Variants in LSAMP observed in about 807,000 individuals in gnomAD.
LSAMP encodes limbic system associated membrane protein, also known as limbic system-associated membrane protein.
In LSAMP, 7 loss-of-function variants were observed where a neutral mutation model predicts 38.6. The observed-to-expected ratio is 0.18, with a 90% CI of 0.10 to 0.34. LSAMP has a LOEUF of 0.34. Ranked by LOEUF, LSAMP falls within the 10% of genes least tolerant of loss-of-function variation. The probability of loss-of-function intolerance (pLI) is 1.00; values close to 1 mark genes in which losing one functional copy is unlikely to be tolerated. For synonymous variants in LSAMP, 154 were observed against 166.8 expected, an observed-to-expected ratio of 0.92 and a Z score of 0.59; for missense variants, 313 against 420.0, an observed-to-expected ratio of 0.75 and a Z score of 2.23.
At chr3:116,142,394 TCTG>T (rs1709390427) in intron 1 of LSAMP, among the ~76,000 whole-genome samples, 1 of 151,998 alleles carries the variant, frequency 6.6e-6, no homozygotes, top group African/African-American at 2.4e-5. Flanking sequence ...CCACCTGTAA[TCTG>T]CTGTTTTTGT....
chr3:115,996,323 G>A (rs904660166), intron 3 of LSAMP, among the ~76,000 whole-genome samples: 5 of 152,108 alleles, frequency 3.3e-5, no homozygotes, highest in Non-Finnish European at 7.4e-5. Context: ...ATAGCATCCA[G>A]TTAGTGAGTT....
intron 1 of LSAMP, among the ~76,000 whole-genome samples, chr3:116,152,811 T>A (rs1275535088): frequency 6.6e-6 from 1 of 152,018 alleles, no homozygotes. Flanking sequence ...TAGAAATATG[T>A]ACACACACAC....
intron 2 of LSAMP, among the ~76,000 whole-genome samples, chr3:116,052,191 T>C (rs1188747781): frequency 6.6e-6 from 1 of 151,878 alleles, no homozygotes; most frequent in African/African-American, 2.4e-5. Context: ...TAAAATCCTC[T>C]CTGGTTAGTG....
intron 4 of LSAMP, among the ~76,000 whole-genome samples, chr3:115,851,114 C>G (rs1935317115): frequency 6.6e-6 from 1 of 152,114 alleles, no homozygotes; most frequent in Non-Finnish European, 1.5e-5. Flanking sequence ...ACTGGGACTA[C>G]AGGCACCCGC....
intron 3 of LSAMP, among the ~76,000 whole-genome samples, chr3:115,897,177 A>G (rs1208918394): frequency 6.6e-6 from 1 of 151,998 alleles, no homozygotes; most frequent in African/African-American, 2.4e-5. Flanking sequence ...GGGAGGAGGT[A>G]TTGCTTAGAT....
chr3:115,812,222 G>A (rs182153308), intron 6 of LSAMP, among the ~76,000 whole-genome samples: 1 of 152,214 alleles, frequency 6.6e-6, no homozygotes, highest in East Asian at 1.9e-4. Context: ...TATAAAATGA[G>A]CTGTATTATG....
chr3:116,145,337 G>C (rs1052883101), intron 1 of LSAMP, among the ~76,000 whole-genome samples: 2 of 151,900 alleles, frequency 1.3e-5, no homozygotes, highest in Non-Finnish European at 2.9e-5. Flanking sequence ...TATGGAAAGA[G>C]AGAGAGAGAG....
At chr3:116,061,740 G>A (rs956668844) in intron 2 of LSAMP, among the ~76,000 whole-genome samples, 2 of 152,054 alleles carry the variant, frequency 1.3e-5, no homozygotes, top group African/African-American at 4.8e-5. Flanking sequence ...TAAAGGGACA[G>A]TTTTTGTTTT....
intron 1 of LSAMP, among the ~76,000 whole-genome samples, chr3:116,369,514 G>A (rs1038450840): frequency 4.6e-5 from 7 of 152,140 alleles, no homozygotes; most frequent in African/African-American, 1.7e-4. Flanking sequence ...ATATGGGCTT[G>A]CCGTCTAGCC....
chr3:116,367,773 T>A (rs2107787204), intron 1 of LSAMP, among the ~76,000 whole-genome samples: 1 of 152,096 alleles, frequency 6.6e-6, no homozygotes, highest in South Asian at 2.1e-4. Flanking sequence ...CCTCCCAAAG[T>A]GCTGGGATTA....
At chr3:116,398,738 T>C (rs1038458770) in intron 1 of LSAMP, among the ~76,000 whole-genome samples, 1 of 152,198 alleles carries the variant, frequency 6.6e-6, no homozygotes, top group African/African-American at 2.4e-5. Flanking sequence ...AATTGGGCCA[T>C]TCATGTATTA....
intron 3 of LSAMP, among the ~76,000 whole-genome samples, chr3:115,933,678 A>T (rs1292465478): frequency 6.6e-6 from 1 of 152,092 alleles, no homozygotes; most frequent in Non-Finnish European, 1.5e-5. Context: ...CAGAGAAAAG[A>T]TCAGCGGCAG....
intron 1 of LSAMP, among the ~76,000 whole-genome samples, chr3:116,389,117 C>T (rs967624920): frequency 4.6e-5 from 7 of 152,094 alleles, no homozygotes; most frequent in Non-Finnish European, 8.8e-5. Context: ...AGCAGTCAGA[C>T]AGGATGCTGA....
intron 1 of LSAMP, among the ~76,000 whole-genome samples, chr3:116,248,526 TGTGTGTG>T (rs2046633264): frequency 6.9e-6 from 1 of 145,162 alleles, no homozygotes; most frequent in South Asian, 2.2e-4. Flanking sequence ...TGTGTGTGTG[TGTGTGTG>T]TATCAGACTA....
chr3:116,412,630 C>T (rs891018266), intron 1 of LSAMP, among the ~76,000 whole-genome samples: 3 of 152,022 alleles, frequency 2.0e-5, no homozygotes, highest in South Asian at 2.1e-4. Context: ...GAGCTTGGGT[C>T]GAAGAAAGCT....
intron 3 of LSAMP, among the ~76,000 whole-genome samples, chr3:115,912,881 T>C (rs990859669): frequency 2.6e-5 from 4 of 152,220 alleles, no homozygotes; most frequent in African/African-American, 9.6e-5. Flanking sequence ...AGGGAACTTA[T>C]GGCCATGCTG....
chr3:116,074,841 A>ATTTTTTTTTTT (rs1707698362), intron 2 of LSAMP, among the ~76,000 whole-genome samples: 3 of 130,374 alleles, frequency 2.3e-5, no homozygotes, highest in African/African-American at 9.9e-5. Flanking sequence ...TATTTTCTTT[A>ATTTTTTTTTTT]TTCTTTTTTT....
At chr3:116,148,421 CTTTGT>C (rs1709535835) in intron 1 of LSAMP, among the ~76,000 whole-genome samples, 1 of 151,918 alleles carries the variant, frequency 6.6e-6, no homozygotes, top group African/African-American at 2.4e-5. Context: ...AGAAATTTGT[CTTTGT>C]TTTCCTGTAT....
At chr3:116,385,827 T>G (rs571560193) in intron 1 of LSAMP, among the ~76,000 whole-genome samples, 1 of 152,244 alleles carries the variant, frequency 6.6e-6, no homozygotes, top group African/African-American at 2.4e-5. Context: ...CCAAAGAAGA[T>G]TAGCCTTTGT....
Sources: gnomAD v4.1 joint callset for allele counts (sites outside exome capture counted in the v4.1 genomes callset) on GRCh38, gnomAD v4.1.1 for gene constraint, MANE v1.5 for transcripts, NCBI Gene and HGNC (gene_info 2026-07-23, HGNC 2026-07-21) for gene names.